RIT2: variants seen among roughly 807,000 people sequenced by gnomAD.
RIT2 encodes the protein Ras like without CAAX 2.
RIT2 carries 24 observed loss-of-function variants against 23.7 expected under a neutral mutation model. That is an observed-to-expected ratio of 1.01 (90% CI 0.73 to 1.43). The LOEUF is 1.43. Among genes scored for constraint, RIT2 ranks in the 40% most tolerant of loss-of-function variants. RIT2 has a pLI of 0.00. For synonymous variants in RIT2, 107 were observed against 91.1 expected, an observed-to-expected ratio of 1.17 and a Z score of -0.99; for missense variants, 236 against 266.9, an observed-to-expected ratio of 0.88 and a Z score of 0.81.
intron 4 of RIT2, among the ~76,000 whole-genome samples, chr18:42,880,650 C>T (rs78605187): frequency 6.6e-6 from 1 of 151,808 alleles, no homozygotes; most frequent in Non-Finnish European, 1.5e-5. Flanking sequence ...CTCGTTTATC[C>T]CTTCTCTATA....
At chr18:43,085,400 TGTTGTTATTATTTTGGTCACCACACA>T (rs1333812259) in intron 1 of RIT2, among the ~76,000 whole-genome samples, 7 of 152,164 alleles carry the variant, frequency 4.6e-5, no homozygotes, top group Non-Finnish European at 8.8e-5. Flanking sequence ...ATACACAATA[TGTTGTTATTATTTTGGTCACCACACA>T]GTACAATAAA....
chr18:43,105,497 A>AGAGG (rs72193332), intron 1 of RIT2, among the ~76,000 whole-genome samples: 1,180 of 90,028 alleles, frequency 0.013, 7 homozygotes, highest in African/African-American at 0.023. Context: ...AGGGAGGAAG[A>AGAGG]AAGGGAGGGA....
At chr18:42,803,180 C>T (rs756951387) in intron 4 of RIT2, among the ~76,000 whole-genome samples, 2 of 152,188 alleles carry the variant, frequency 1.3e-5, no homozygotes, top group South Asian at 2.1e-4. Flanking sequence ...TTAGTAAATT[C>T]CAATGACTTC....
intron 1 of RIT2, among the ~76,000 whole-genome samples, chr18:43,041,946 A>G (rs1404016426): frequency 6.6e-6 from 1 of 152,058 alleles, no homozygotes; most frequent in African/African-American, 2.4e-5. Flanking sequence ...TATATATAGC[A>G]TAAGATCATA....
chr18:43,047,780 A>G (rs956229958), intron 1 of RIT2, among the ~76,000 whole-genome samples: 1 of 152,158 alleles, frequency 6.6e-6, no homozygotes, highest in Non-Finnish European at 1.5e-5. Flanking sequence ...AATTTGGGAC[A>G]ATTTAATAAT....
intron 4 of RIT2, among the ~76,000 whole-genome samples, chr18:42,862,279 G>A (rs561164121): frequency 6.6e-6 from 1 of 151,976 alleles, no homozygotes; most frequent in African/African-American, 2.4e-5. Context: ...TCTCTCTCCT[G>A]CCACCACGTG....
chr18:42,943,023 G>A (rs1386986179), intron 3 of RIT2, among the ~76,000 whole-genome samples: 1 of 152,056 alleles, frequency 6.6e-6, no homozygotes, highest in Non-Finnish European at 1.5e-5. Context: ...ACCTCTTAAA[G>A]ATGGCATGGA....
intron 4 of RIT2, among the ~76,000 whole-genome samples, chr18:42,770,578 T>A (rs1289500906): frequency 6.6e-6 from 1 of 152,144 alleles, no homozygotes; most frequent in Non-Finnish European, 1.5e-5. Context: ...TTACCAGATA[T>A]GGAATAGCTG....
intron 4 of RIT2, among the ~76,000 whole-genome samples, chr18:42,832,936 C>G (rs1462071646): frequency 6.6e-6 from 1 of 151,664 alleles, no homozygotes; most frequent in African/African-American, 2.4e-5. Flanking sequence ...TGCCTGTAAT[C>G]CCAGCTAGTA....
At chr18:43,023,987 G>C (rs1911653800) in intron 2 of RIT2, among the ~76,000 whole-genome samples, 1 of 151,974 alleles carries the variant, frequency 6.6e-6, no homozygotes, top group Non-Finnish European at 1.5e-5. Context: ...GAAATTATCT[G>C]GCATGTTTCA....
chr18:42,991,714 C>G (rs1332422839), intron 2 of RIT2, among the ~76,000 whole-genome samples: 1 of 152,116 alleles, frequency 6.6e-6, no homozygotes, highest in Non-Finnish European at 1.5e-5. Flanking sequence ...ATTCCTTCTC[C>G]TGGCTCATCC....
intron 3 of RIT2, among the ~76,000 whole-genome samples, chr18:42,960,868 G>T (rs1910079951): frequency 6.6e-6 from 1 of 152,072 alleles, no homozygotes; most frequent in East Asian, 1.9e-4. Context: ...GGGAAAAATT[G>T]TCTTCTTGTT....
At chr18:42,894,819 G>A (rs772992312) in intron 4 of RIT2, among the ~76,000 whole-genome samples, 3 of 152,174 alleles carry the variant, frequency 2.0e-5, no homozygotes, top group Non-Finnish European at 4.4e-5. Flanking sequence ...TGAATAATTT[G>A]TAGAGTCAGT....
At chr18:42,983,894 T>G (rs573384753) in intron 2 of RIT2, among the ~76,000 whole-genome samples, 1 of 152,184 alleles carries the variant, frequency 6.6e-6, no homozygotes, top group Non-Finnish European at 1.5e-5. Context: ...AATTGGATCA[T>G]GGACACATTG....
chr18:42,810,066 A>G (rs986335092), intron 4 of RIT2, among the ~76,000 whole-genome samples: 20 of 147,240 alleles, frequency 1.4e-4, no homozygotes, highest in Admixed American at 1.2e-3. Context: ...TGTTATATAT[A>G]TGTTATACAT....
chr18:43,093,792 C>T lies in RIT2; in HGVS notation c.103+21625G>A, dbSNP rs965314695. On this transcript the variant is annotated intron_variant, in intron 1 of 4. Transcript: ENST00000326695. ...GGTCGTGAAAACTGTTGTGCCTCTC[C>T]GGTCAGTACTGACACTGACTTGCAG... Among the ~76,000 whole-genome samples the T allele has an allele frequency of 6.6e-5, 10 of 152,104 alleles. No homozygotes were observed. In the South Asian group the frequency reaches 8.3e-4, roughly 13 times the overall value.
chr18:42,819,877 A>T (rs1482621369), intron 4 of RIT2, among the ~76,000 whole-genome samples: 1 of 152,126 alleles, frequency 6.6e-6, no homozygotes, highest in Non-Finnish European at 1.5e-5. Flanking sequence ...CACACAAAGG[A>T]TTCGTTTCAG....
chr18:42,852,818 T>G (rs1907090620), intron 4 of RIT2, among the ~76,000 whole-genome samples: 1 of 112,488 alleles, frequency 8.9e-6, no homozygotes, highest in East Asian at 3.2e-4. Flanking sequence ...CCTCCCTTCC[T>G]TCCTTCCTTC....
intron 4 of RIT2, among the ~76,000 whole-genome samples, chr18:42,789,834 TC>T (rs1914002681): frequency 6.6e-6 from 1 of 152,196 alleles, no homozygotes; most frequent in Non-Finnish European, 1.5e-5. Flanking sequence ...GCCCGATTGC[TC>T]TGGCTAGGAC....
Sources: gnomAD v4.1 joint callset for allele counts (sites outside exome capture counted in the v4.1 genomes callset) on GRCh38, gnomAD v4.1.1 for gene constraint, MANE v1.5 for transcripts, NCBI Gene and HGNC (gene_info 2026-07-23, HGNC 2026-07-21) for gene names.